Variants in TF observed in about 807,000 individuals in gnomAD.
TF encodes transferrin.
Under a neutral mutation model 82.4 loss-of-function variants are expected in TF, and 55 were observed. The ratio of observed to expected loss-of-function variants is 0.67; its 90% CI spans 0.54 to 0.84. TF has a LOEUF of 0.84. Ranked by LOEUF, TF falls within the 40% of genes least tolerant of loss-of-function variation. TF has a pLI of 0.00. For missense variants in TF, 737 were observed against 868.4 expected (o/e 0.85, Z 1.90); for synonymous variants, 332 against 332.6 (o/e 1.00, Z 0.02).
rs867570100 is a variant in TF at position 133,792,688 on chromosome 3, T to G, written c.*14068T>G. On this transcript the variant is annotated 3_prime_UTR_variant, in exon 17 of 17. Transcript: ENST00000402696. Reference sequence around the variant, plus strand: ...GTAAGAAAAGTGAATGCATTTTCAGTGAAAGATTATAACAAGGCATGGGAA... The same window carrying G: ...GTAAGAAAAGTGAATGCATTTTCAGGGAAAGATTATAACAAGGCATGGGAA... 6.6e-6 allele frequency: 1 copy of G among 152,192 alleles called. No individual in the cohort carries two copies. Among genetic ancestry groups the G allele is most frequent in the South Asian group, 2.1e-4 (1 of 4,832 alleles). The allele number at this position is 152,192 out of a possible 1,614,324, so 9.4% of individuals were successfully genotyped here.
At position 133,779,944 on chromosome 3, in the gene TF, C is replaced by T. The variant is rs1398304223; in HGVS notation, c.*1324C>T. ...TAAATAGAGGGGTGAAATTTCAGTT[C>T]GCCATTTTCCCTCACACTACATCCA... is the stretch of plus-strand genomic sequence containing the variant. On this transcript the variant is annotated 3_prime_UTR_variant, in exon 17 of 17. Coordinates refer to ENST00000402696, the MANE Select transcript of TF (RefSeq NM_001063.4). 2.0e-5 allele frequency: 3 copies of T among 152,170 alleles called. No individual in the cohort carries two copies. The highest frequency in any genetic ancestry group is 4.8e-5 in the African/African-American group (2 of 41,434). The allele number at this position is 152,170 out of a possible 1,614,324, so 9.4% of individuals were successfully genotyped here.
In TF at chr3:133,780,768, T is replaced by C. The variant is rs1934499210; in HGVS notation, c.*2148T>C. Reference sequence around the variant, plus strand: ...TGGTTCATGCCTATAATCCCAGCATTTTGGGAGGCTGAGGTGGGTGGATCA... The same window carrying C: ...TGGTTCATGCCTATAATCCCAGCATCTTGGGAGGCTGAGGTGGGTGGATCA... On this transcript the variant is annotated 3_prime_UTR_variant, in exon 17 of 17. Transcript: ENST00000402696. 1 of 152,174 alleles carries C rather than the reference T, an allele frequency of 6.6e-6. No homozygotes were observed. The highest frequency in any genetic ancestry group is 2.1e-4 in the South Asian group (1 of 4,828). The allele number at this position is 152,174 out of a possible 1,614,324, so 9.4% of individuals were successfully genotyped here. A position where few individuals can be genotyped will look rare whatever the true frequency, so the allele number is the denominator to read the frequency against.
the TF span, among the ~76,000 whole-genome samples, chr3:133,667,340 G>A: frequency 9.4e-4 from 121 of 128,844 alleles, 2 homozygotes; most frequent in East Asian, 0.025. Context: ...CTGAGTGACA[G>A]AGCAAGACTC....
intron 11 of TF, 144 bp from the exon 12 acceptor site, chr3:133,766,134 C>CCTCAGTCA (rs1934120281): frequency 1.2e-6 from 1 of 821,952 alleles, no homozygotes; most frequent in Non-Finnish European, 2.1e-6. Context: ...TTGTACTTCC[C>CCTCAGTCA]CTCAGTCAGA....
At chr3:133,730,116 C>T in the TF span, among the ~76,000 whole-genome samples, 5 of 152,164 alleles carry the variant, frequency 3.3e-5, no homozygotes, top group East Asian at 9.7e-4. Flanking sequence ...ACCCAGTGAG[C>T]TACCAGATTG....
Position 133,777,139 on chromosome 3 carries a change from G to A in TF, c.1963G>A (p.Val655Ile). The A allele has an allele frequency of 6.2e-7, 1 of 1,614,132 alleles. No homozygotes were observed. Among genetic ancestry groups the A allele is most frequent in the South Asian group, 1.1e-5 (1 of 91,082 alleles). The change falls in exon 16 of 17, where the codon GTA becomes ATA. Residue 655 changes from valine to isoleucine, a missense_variant. Val to Ile is a conservative substitution (Grantham distance 29). Coordinates refer to ENST00000402696, the MANE Select transcript of TF (RefSeq NM_001063.4). ...GGACCTTCTGTTCAGAGATGACACA[G>A]TATGTTTGGCCAAACTTCATGACAG... The part of the protein sequence containing the change: ...TKDLLFRDDT[V>I]CLAKLHDRNT...
chr3:133,720,230 T>C, the TF span, among the ~76,000 whole-genome samples: 2 of 152,190 alleles, frequency 1.3e-5, no homozygotes, highest in African/African-American at 4.8e-5. Flanking sequence ...ATGTTAGCTA[T>C]GGGTCTGTAA....
the TF span, among the ~76,000 whole-genome samples, chr3:133,687,933 T>C: frequency 1.3e-5 from 2 of 152,218 alleles, no homozygotes; most frequent in Non-Finnish European, 2.9e-5. Context: ...GTCAATTCTT[T>C]TGGATATATA....
Position 133,784,464 on chromosome 3 carries a change from G to A in TF, c.*5844G>A, listed in dbSNP as rs1576371713. The A allele has an allele frequency of 2.0e-5, 1 of 51,130 alleles. No individual in the cohort carries two copies. Among genetic ancestry groups the A allele is most frequent in the East Asian group, 2.7e-4 (1 of 3,708 alleles). The allele number at this position is 51,130 out of a possible 1,614,324, so 3.2% of individuals were successfully genotyped here. ...TCACACATCTTGTAAATTCCCATTT[G>A]TTAAAAAAATAATAATAATAATAAT... On this transcript the variant is annotated 3_prime_UTR_variant, in exon 17 of 17. Transcript: ENST00000402696.
At chr3:133,720,870 A>C in the TF span, among the ~76,000 whole-genome samples, 1 of 151,922 alleles carries the variant, frequency 6.6e-6, no homozygotes, top group Non-Finnish European at 1.5e-5. Flanking sequence ...CTATGTTATC[A>C]AATTTGTTGG....
chr3:133,679,875 G>C, the TF span, among the ~76,000 whole-genome samples: 1 of 152,134 alleles, frequency 6.6e-6, no homozygotes, highest in Non-Finnish European at 1.5e-5. Flanking sequence ...ACTTGACTTT[G>C]AGTAGTTGTG....
the TF span, among the ~76,000 whole-genome samples, chr3:133,674,268 G>A: frequency 6.6e-6 from 1 of 151,484 alleles, no homozygotes; most frequent in East Asian, 1.9e-4. Flanking sequence ...ACTCACCTGG[G>A]AACCCCCGCG....
the TF span, among the ~76,000 whole-genome samples, chr3:133,673,922 G>A: frequency 2.6e-5 from 4 of 152,172 alleles, no homozygotes; most frequent in African/African-American, 7.2e-5. Flanking sequence ...CTGCAGGGGC[G>A]AGGAGAGGCC....
rs1934457013 is a variant in TF, at chr3:133,778,772, T to A, written c.*152T>A. The A allele has an allele frequency of 1.5e-6, 1 of 666,836 alleles. No individual in the cohort carries two copies. Among genetic ancestry groups the A allele is most frequent in the Non-Finnish European group, 2.5e-6 (1 of 394,202 alleles). 41.3% of individuals were successfully genotyped at this position (666,836 alleles called of 1,614,324 possible). On this transcript the variant is annotated 3_prime_UTR_variant, in exon 17 of 17. Transcript: ENST00000402696. The stretch of plus-strand genomic sequence containing the variant: ...TGTGTGCTGAACAAAAAATAAAAAT[T>A]ATTATTGATTTTATATTTCAAAAAC...
At chr3:133,671,582 G>A in the TF span, among the ~76,000 whole-genome samples, 11 of 151,920 alleles carry the variant, frequency 7.2e-5, no homozygotes, top group South Asian at 4.1e-4. Flanking sequence ...CCAGGAGTTC[G>A]AGACTGGCCT....
chr3:133,663,584 T>G, the TF span, among the ~76,000 whole-genome samples: 8 of 152,164 alleles, frequency 5.3e-5, no homozygotes, highest in African/African-American at 9.7e-5. Context: ...AACATGGGAC[T>G]CCTGCTCACA....
intron 6 of TF, 43 bp from the exon 7 acceptor site, chr3:133,756,788 A>G: frequency 1.2e-6 from 2 of 1,612,934 alleles, no homozygotes; most frequent in Non-Finnish European, 8.5e-7. Context: ...ACCACAGCCC[A>G]TGGCTCTCCT....
At chr3:133,696,495 G>C in the TF span, among the ~76,000 whole-genome samples, 76 of 152,230 alleles carry the variant, frequency 5.0e-4, no homozygotes, top group East Asian at 0.014. Context: ...TGCTGTATTT[G>C]TTCTTTCTTT....
At chr3:133,778,401 C>T in intron 16 of TF, 185 bp from the exon 17 acceptor site, 1 of 574,800 alleles carries the variant, frequency 1.7e-6, no homozygotes, top group Admixed American at 2.4e-5. Context: ...GGGGCACTCC[C>T]CAGGATAGGC....
Sources: gnomAD v4.1 joint callset for allele counts (sites outside exome capture counted in the v4.1 genomes callset) on GRCh38, gnomAD v4.1.1 for gene constraint, MANE v1.5 for transcripts, NCBI Gene and HGNC (gene_info 2026-07-23, HGNC 2026-07-21) for gene names.